Variants in RSF1 observed in about 807,000 individuals in gnomAD.
The protein encoded by RSF1 is remodeling and spacing factor 1, also known as HBV pX-associated protein 8.
A neutral mutation model predicts 145.2 loss-of-function variants in RSF1; 13 were observed. The observed-to-expected ratio is 0.09, with a 90% CI of 0.06 to 0.14. The LOEUF is 0.14. RSF1 is among the 10% of genes least tolerant of loss of function. RSF1 has a pLI of 1.00. For missense variants in RSF1, 1,517 were observed against 1,718.2 expected (o/e 0.88, Z 2.07); for synonymous variants, 577 against 592.6 (o/e 0.97, Z 0.38).
intron 1 of RSF1, among the ~76,000 whole-genome samples, chr11:77,809,229 A>T (rs1948708481): frequency 6.6e-6 from 1 of 152,226 alleles, no homozygotes; most frequent in African/African-American, 2.4e-5. Flanking sequence ...GGCTCTAAGG[A>T]TTAAATAAGA....
chr11:77,730,802 T>C (rs1026733684), intron 4 of RSF1, among the ~76,000 whole-genome samples: 11 of 152,330 alleles, frequency 7.2e-5, no homozygotes, highest in African/African-American at 2.6e-4. Context: ...CTGCCGCCAT[T>C]GATGTAAGAC....
chr11:77,820,684 TCACCGCCGC>T lies in RSF1; in HGVS notation c.22_30del (p.Ala8_Val10del). The T allele has an allele frequency of 6.4e-7, 1 of 1,553,154 alleles. No homozygotes were observed. The highest frequency in any genetic ancestry group is 1.2e-5 in the South Asian group (1 of 84,242). ...GAACCCGGGCAGCCCGGAGGAGCCA[TCACCGCCGC>T]CGCTGCCGCCGCCGTCGCCATTTTG... On this transcript the variant is annotated inframe_deletion, in exon 1 of 16. Transcript: ENST00000308488.
At chr11:77,784,478 T>C (rs1409323553) in intron 1 of RSF1, among the ~76,000 whole-genome samples, 1 of 152,094 alleles carries the variant, frequency 6.6e-6, no homozygotes, top group African/African-American at 2.4e-5. Flanking sequence ...TCTGCTTCTT[T>C]GGGTTCATTT....
intron 1 of RSF1, among the ~76,000 whole-genome samples, chr11:77,801,336 G>A (rs187461781): frequency 1.1e-3 from 160 of 152,258 alleles, no homozygotes; most frequent in Non-Finnish European, 1.7e-3. Flanking sequence ...TTTGAGACAG[G>A]AGAATCACTT....
At chr11:77,726,776 C>A (rs578022855) in intron 4 of RSF1, among the ~76,000 whole-genome samples, 4 of 152,288 alleles carry the variant, frequency 2.6e-5, no homozygotes, top group African/African-American at 9.6e-5. Context: ...TCTTATCTGT[C>A]ATGTCACATA....
intron 1 of RSF1, among the ~76,000 whole-genome samples, chr11:77,768,045 C>T (rs72949656): frequency 0.098 from 14,775 of 151,144 alleles, 1,053 homozygotes; most frequent in Admixed American, 0.19. Context: ...AGGTGAGTCA[C>T]ATAATTTCAA....
intron 11 of RSF1, 29 bp downstream of exon 11, chr11:77,683,681 T>G (rs752393773): frequency 1.4e-6 from 2 of 1,457,030 alleles, no homozygotes; most frequent in East Asian, 4.5e-5. Context: ...AATCCTCTTT[T>G]GCTGTAGACA....
the RSF1 span, among the ~76,000 whole-genome samples, chr11:77,837,653 C>T: frequency 6.6e-6 from 1 of 152,112 alleles, no homozygotes; most frequent in East Asian, 1.9e-4. Context: ...CCAGGCTGGT[C>T]TTGAACTCCT....
intron 1 of RSF1, among the ~76,000 whole-genome samples, chr11:77,772,848 G>GAAAAAAAAAAAAAAAAAAAAA (rs1161762028): frequency 1.2e-5 from 1 of 85,194 alleles, no homozygotes; most frequent in Non-Finnish European, 2.2e-5. Flanking sequence ...GCCCAAGATG[G>GAAAAAAAAAAAAAAAAAAAAA]AAAAAAAAAA....
intron 2 of RSF1, among the ~76,000 whole-genome samples, chr11:77,755,149 T>C (rs1456062753): frequency 6.6e-6 from 1 of 152,226 alleles, no homozygotes; most frequent in African/African-American, 2.4e-5. Context: ...TATGATCTGA[T>C]TAATGCTTCA....
intron 5 of RSF1, chr11:77,702,991 T>G (rs2135856027): frequency 6.6e-6 from 1 of 152,304 alleles, no homozygotes; most frequent in Middle Eastern, 3.4e-3. Context: ...AGGCAATCAC[T>G]AGTAATATTT....
At chr11:77,844,680 G>A in the RSF1 span, among the ~76,000 whole-genome samples, 3 of 152,192 alleles carry the variant, frequency 2.0e-5, no homozygotes, top group South Asian at 2.1e-4. Context: ...TTGAATACAC[G>A]TTTATTCATT....
intron 1 of RSF1, among the ~76,000 whole-genome samples, chr11:77,818,344 C>T (rs1948801483): frequency 6.6e-6 from 1 of 152,160 alleles, no homozygotes; most frequent in Non-Finnish European, 1.5e-5. Context: ...CAACTTGGTC[C>T]AAAGAAATTA....
Position 77,734,673 on chromosome 11 carries a change from C to T in RSF1, c.578+6058G>A, listed in dbSNP as rs918870964. 12 of 1,400,418 alleles carry T rather than the reference C, an allele frequency of 8.6e-6. No individual in the cohort carries two copies. The East Asian group carries it at 1.1e-4, about 13-fold the overall frequency. 86.7% of individuals were successfully genotyped at this position (1,400,418 alleles called of 1,614,324 possible). Reference sequence around the variant, plus strand: ...CATTTTTGTCAGTGGCCAATTTGTGCAGTTCCAGTAGTGACTGATTCACAT... The same window carrying T: ...CATTTTTGTCAGTGGCCAATTTGTGTAGTTCCAGTAGTGACTGATTCACAT... On this transcript the variant is annotated intron_variant, in intron 4 of 15. Coordinates refer to ENST00000308488, the MANE Select transcript of RSF1 (RefSeq NM_016578.4).
At chr11:77,725,948 T>C (rs1353845146) in intron 4 of RSF1, among the ~76,000 whole-genome samples, 1 of 152,204 alleles carries the variant, frequency 6.6e-6, no homozygotes, top group Non-Finnish European at 1.5e-5. Context: ...TGAATATCTC[T>C]TGGGTTGAAA....
chr11:77,864,013 G>A, the RSF1 span, among the ~76,000 whole-genome samples: 2 of 150,734 alleles, frequency 1.3e-5, no homozygotes, highest in African/African-American at 4.9e-5. Context: ...TGCAACCTCT[G>A]CCTCCCATGT....
In RSF1 at chr11:77,664,552, G is replaced by A. The variant is rs904942930; in HGVS notation, c.*2365C>T. On this transcript the variant is annotated 3_prime_UTR_variant, in exon 16 of 16. Transcript: ENST00000308488. ...ACTTCTGATCACTTGGCTTAACTGA[G>A]GAATAGAATAGGTGGAAGAAGGAGC... 6.6e-6 allele frequency: 1 copy of A among 152,178 alleles called. No homozygotes were observed. Among genetic ancestry groups the A allele is most frequent in the Non-Finnish European group, 1.5e-5 (1 of 68,046 alleles). 9.4% of individuals were successfully genotyped at this position (152,178 alleles called of 1,614,324 possible). A position where few individuals can be genotyped will look rare whatever the true frequency, so the allele number is the denominator to read the frequency against.
At position 77,667,417 on chromosome 11, in the gene RSF1, G is replaced by C. The variant is rs1959395534; in HGVS notation, c.3826C>G (p.Arg1276Gly). 6.2e-7 allele frequency: 1 copy of C among 1,613,574 alleles called. No individual in the cohort carries two copies. Among genetic ancestry groups the C allele is most frequent in the African/African-American group, 1.3e-5 (1 of 74,846 alleles). Residue 1276 changes from arginine (R) to glycine (G), a missense_variant, in exon 16 of 16, where the codon CGA (arginine) becomes GGA (glycine). Coordinates refer to ENST00000308488, the MANE Select transcript of RSF1 (RefSeq NM_016578.4). The stretch of plus-strand genomic sequence containing the variant: ...GCTTCTGAATACTCGTCTGTGCTTC[G>C]GCCCCGCTTTCGAACTGACCGCTTT... ...ESKRSVRKRG[R>G]STDEYSEADE...
intron 9 of RSF1, among the ~76,000 whole-genome samples, chr11:77,685,963 T>C (rs1006688317): frequency 6.6e-6 from 1 of 152,138 alleles, no homozygotes; most frequent in Non-Finnish European, 1.5e-5. Context: ...TTCCTTGCTG[T>C]TGAAAGAGAA....
Sources: allele counts gnomAD v4.1 joint callset (sites outside exome capture counted in the v4.1 genomes callset), GRCh38; gene constraint gnomAD v4.1.1; transcripts MANE v1.5; gene names NCBI Gene and HGNC (gene_info 2026-07-23, HGNC 2026-07-21).